DESI2: variants seen among roughly 807,000 people sequenced by gnomAD.
The protein encoded by DESI2 is deubiquitinase DESI2.
In DESI2, 10 loss-of-function variants were observed where a neutral mutation model predicts 24.1. The ratio of observed to expected loss-of-function variants is 0.41; its 90% CI spans 0.26 to 0.70. The LOEUF (loss-of-function observed/expected upper bound fraction) is 0.70. DESI2 is among the 30% of genes least tolerant of loss of function. DESI2 has a pLI of 0.29. For synonymous variants in DESI2, 71 were observed against 87.7 expected (o/e 0.81, Z 1.06); for missense variants, 122 against 234.9 (o/e 0.52, Z 3.14).
chr1:244,673,358 G>A lies in DESI2; in HGVS notation c.43-13239G>A, dbSNP rs182553242. ...CCAAAGAAAAACATCTAATTTATTC[G>A]CTTCATAATGTATATTCTAAACATT... On this transcript the variant is annotated intron_variant, in intron 1 of 4. Transcript: ENST00000302550. 1.0e-3 allele frequency among the ~76,000 whole-genome samples: 159 copies of A among 152,306 alleles called. 2 individuals carry two copies. The highest frequency in any genetic ancestry group is 3.6e-3 in the African/African-American group (149 of 41,564).
intron 1 of DESI2, among the ~76,000 whole-genome samples, chr1:244,672,731 G>T (rs1676289039): frequency 6.6e-6 from 1 of 152,080 alleles, no homozygotes; most frequent in African/African-American, 2.4e-5. Context: ...ACAAAAATTA[G>T]CCAGGCATGG....
At chr1:244,669,750 T>G (rs1676182021) in intron 1 of DESI2, among the ~76,000 whole-genome samples, 1 of 152,156 alleles carries the variant, frequency 6.6e-6, no homozygotes, top group Non-Finnish European at 1.5e-5. Flanking sequence ...TGTATTAGTA[T>G]TAGTGGTCAT....
intron 1 of DESI2, among the ~76,000 whole-genome samples, chr1:244,682,854 C>CAAAAAA (rs3059851): frequency 4.9e-5 from 6 of 123,390 alleles, no homozygotes; most frequent in Admixed American, 8.2e-5. Flanking sequence ...AGTGTGTTGT[C>CAAAAAA]AAAAAAAAAA....
At chr1:244,671,530 T>G (rs141674012) in intron 1 of DESI2, among the ~76,000 whole-genome samples, 11 of 151,550 alleles carry the variant, frequency 7.3e-5, no homozygotes, top group Non-Finnish European at 1.5e-4. Context: ...ATAAAAGTTG[T>G]CTTCCCCCAG....
At chr1:244,700,549 A>T (rs1270957895) in intron 4 of DESI2, among the ~76,000 whole-genome samples, 2 of 151,932 alleles carry the variant, frequency 1.3e-5, no homozygotes, top group Non-Finnish European at 2.9e-5. Context: ...CTAATAGCAA[A>T]TATTTAGAAA....
At chr1:244,661,147 CTA>C (rs1186570884) in intron 1 of DESI2, among the ~76,000 whole-genome samples, 1 of 152,182 alleles carries the variant, frequency 6.6e-6, no homozygotes, top group African/African-American at 2.4e-5. Context: ...AACTGAGACT[CTA>C]TACCCACTAA....
At chr1:244,690,265 T>C (rs1270625168) in intron 3 of DESI2, among the ~76,000 whole-genome samples, 1 of 152,178 alleles carries the variant, frequency 6.6e-6, no homozygotes, top group Admixed American at 6.5e-5. Flanking sequence ...TTCCCCGCCC[T>C]GTGTCCAAGT....
intron 2 of DESI2, among the ~76,000 whole-genome samples, chr1:244,686,967 AGTTT>A (rs1301008131): frequency 6.6e-6 from 1 of 152,196 alleles, no homozygotes; most frequent in Non-Finnish European, 1.5e-5. Flanking sequence ...ATAAAATGAC[AGTTT>A]GTTTTGTTCT....
At chr1:244,654,938 G>A (rs544455947) in intron 1 of DESI2, among the ~76,000 whole-genome samples, 1 of 152,128 alleles carries the variant, frequency 6.6e-6, no homozygotes, top group Non-Finnish European at 1.5e-5. Flanking sequence ...GTATACAGTG[G>A]CCAGAAGCCA....
At chr1:244,698,956 C>A (rs1329795555) in intron 4 of DESI2, among the ~76,000 whole-genome samples, 1 of 152,180 alleles carries the variant, frequency 6.6e-6, no homozygotes, top group South Asian at 2.1e-4. Flanking sequence ...AGGACTGTGA[C>A]CCCTGTGCCT....
In DESI2 at chr1:244,704,178, C is replaced by T. The variant is rs1381478336; in HGVS notation, c.352-1378C>T. On this transcript the variant is annotated intron_variant, in intron 4 of 4. Transcript: ENST00000302550. ...GGTACACGTTGTATAATTATAGGTG[C>T]CAACTTATTAAATTTTAGCTAATTT... Among the ~76,000 whole-genome samples, 10 of 152,214 alleles carry T rather than the reference C, an allele frequency of 6.6e-5. 1 individual carries two copies. The East Asian group carries it at 1.9e-3, about 29-fold the overall frequency.
At chr1:244,663,002 CA>C (rs113561974) in intron 1 of DESI2, among the ~76,000 whole-genome samples, 5,220 of 152,042 alleles carry the variant, frequency 0.034, 295 homozygotes, top group African/African-American at 0.12. Flanking sequence ...ATAGATTCCA[CA>C]AAAATGAAAA....
At chr1:244,704,635 CAG>C in intron 4 of DESI2, among the ~76,000 whole-genome samples, 1 of 151,858 alleles carries the variant, frequency 6.6e-6, no homozygotes, top group East Asian at 2.0e-4. Context: ...AGAGGAGTCA[CAG>C]AGCCAGGTCG....
chr1:244,708,763 T>C lies in DESI2; in HGVS notation c.*2974T>C, dbSNP rs1477706449. On this transcript the variant is annotated 3_prime_UTR_variant, in exon 5 of 5. Transcript: ENST00000302550. ...CCATTGTATCTCTTTCTCTTCAGTA[T>C]GGTTTAGAGCCCAGATCAGTTAGTA... The C allele has an allele frequency of 6.6e-6, 1 of 152,638 alleles. No individual in the cohort carries two copies. The highest frequency in any genetic ancestry group is 1.5e-5 in the Non-Finnish European group (1 of 68,036). The allele number at this position is 152,638 out of a possible 1,614,324, so 9.5% of individuals were successfully genotyped here. A position where few individuals can be genotyped will look rare whatever the true frequency, so the allele number is the denominator to read the frequency against.
At chr1:244,675,793 T>G (rs962528951) in intron 1 of DESI2, among the ~76,000 whole-genome samples, 4 of 152,128 alleles carry the variant, frequency 2.6e-5, no homozygotes, top group African/African-American at 7.2e-5. Flanking sequence ...TTTGTCAATT[T>G]CTGCAAAAAA....
chr1:244,669,921 C>T (rs1182725419), intron 1 of DESI2, among the ~76,000 whole-genome samples: 1 of 152,014 alleles, frequency 6.6e-6, no homozygotes, highest in East Asian at 1.9e-4. Context: ...CTTGAAGAAG[C>T]CTTTCACTGA....
intron 1 of DESI2, among the ~76,000 whole-genome samples, chr1:244,672,182 G>A (rs529347824): frequency 6.6e-6 from 1 of 152,062 alleles, no homozygotes; most frequent in Non-Finnish European, 1.5e-5. Flanking sequence ...AAAAAGAAAT[G>A]TTGGAGGTGG....
chr1:244,680,170 A>G (rs1334764021), intron 1 of DESI2, among the ~76,000 whole-genome samples: 1 of 151,528 alleles, frequency 6.6e-6, no homozygotes, highest in Admixed American at 6.6e-5. Context: ...ATCCATGGCC[A>G]GGCACAGTGG....
chr1:244,697,238 T>C (rs994181386), intron 4 of DESI2, among the ~76,000 whole-genome samples: 4 of 152,152 alleles, frequency 2.6e-5, no homozygotes, highest in African/African-American at 9.7e-5. Flanking sequence ...CAAGGCACGG[T>C]GGCTCATGCC....
Sources: gnomAD v4.1 joint callset for allele counts (sites outside exome capture counted in the v4.1 genomes callset) on GRCh38, gnomAD v4.1.1 for gene constraint, MANE v1.5 for transcripts, NCBI Gene and HGNC (gene_info 2026-07-23, HGNC 2026-07-21) for gene names.